MARCHF3: variants seen among roughly 807,000 people sequenced by gnomAD.
The protein encoded by MARCHF3 is E3 ubiquitin-protein ligase MARCHF3.
In MARCHF3, 13 loss-of-function variants were observed where a neutral mutation model predicts 24.2. The ratio of observed to expected loss-of-function variants is 0.54; its 90% CI spans 0.35 to 0.85. MARCHF3 has a LOEUF of 0.85. Ranked by LOEUF, MARCHF3 falls within the 40% of genes least tolerant of loss-of-function variation. The pLI is 0.01. For missense variants in MARCHF3, 276 were observed against 325.0 expected, an observed-to-expected ratio of 0.85 and a Z score of 1.16; for synonymous variants, 144 against 137.3, an observed-to-expected ratio of 1.05 and a Z score of -0.34.
intron 1 of MARCHF3, among the ~76,000 whole-genome samples, chr5:127,015,862 G>A (rs1752624425): frequency 6.6e-6 from 1 of 152,114 alleles, no homozygotes; most frequent in Admixed American, 6.5e-5. Flanking sequence ...CCGTTCTGAT[G>A]ATGAAATCTC....
chr5:126,903,151 A>G (rs1754162591), intron 3 of MARCHF3, among the ~76,000 whole-genome samples: 2 of 152,016 alleles, frequency 1.3e-5, no homozygotes, highest in Admixed American at 6.6e-5. Flanking sequence ...GTGTTGGTAG[A>G]AAGAAATGCA....
intron 3 of MARCHF3, among the ~76,000 whole-genome samples, chr5:126,905,460 T>C (rs2126785809): frequency 6.7e-6 from 1 of 149,406 alleles, no homozygotes; most frequent in African/African-American, 2.5e-5. Flanking sequence ...TGGAATGTTC[T>C]TCCATTTGTT....
rs540721902 is a variant in MARCHF3 at position 127,008,126 on chromosome 5, A to G, written c.-57+22224T>C. 9.8e-5 allele frequency among the ~76,000 whole-genome samples: 15 copies of G among 152,316 alleles called. No individual in the cohort carries two copies. The South Asian group carries it at 1.0e-3, about 11-fold the overall frequency. Reference sequence around the variant, plus strand: ...TTCTTATTCTTTGGGTATAAAAAAAATGCATTGAAGTTGTAGTATTTTCTT... The same window carrying G: ...TTCTTATTCTTTGGGTATAAAAAAAGTGCATTGAAGTTGTAGTATTTTCTT... On this transcript the variant is annotated intron_variant, in intron 1 of 4. Coordinates refer to ENST00000308660, the MANE Select transcript of MARCHF3 (RefSeq NM_178450.5).
At chr5:126,993,223 C>T (rs926334314) in intron 1 of MARCHF3, among the ~76,000 whole-genome samples, 1 of 152,134 alleles carries the variant, frequency 6.6e-6, no homozygotes, top group Non-Finnish European at 1.5e-5. Context: ...TAGATACATC[C>T]CTCCTGAGTT....
intron 3 of MARCHF3, 119 bp downstream of exon 3, chr5:126,914,811 C>CACACACACACACACAT (rs1157735403): frequency 1.2e-6 from 1 of 868,644 alleles, no homozygotes; most frequent in Non-Finnish European, 1.8e-6. Flanking sequence ...CACACACACA[C>CACACACACACACACAT]AGTCACATAG....
chr5:126,987,298 T>C (rs1381129034), intron 1 of MARCHF3, among the ~76,000 whole-genome samples: 6 of 152,144 alleles, frequency 3.9e-5, no homozygotes, highest in South Asian at 4.1e-4. Flanking sequence ...TAATACAGGG[T>C]GTACTTAAAC....
At chr5:126,872,804 G>T (rs1753018237) in intron 4 of MARCHF3, among the ~76,000 whole-genome samples, 1 of 152,112 alleles carries the variant, frequency 6.6e-6, no homozygotes, top group South Asian at 2.1e-4. Context: ...AACTCACACA[G>T]AAGTGCTTTT....
At chr5:127,019,426 G>T (rs925895133) in intron 1 of MARCHF3, among the ~76,000 whole-genome samples, 1 of 152,120 alleles carries the variant, frequency 6.6e-6, no homozygotes, top group Non-Finnish European at 1.5e-5. Flanking sequence ...GGCAATGATG[G>T]TGGTCCTTTG....
intron 1 of MARCHF3, among the ~76,000 whole-genome samples, chr5:127,022,592 A>G (rs1435723498): frequency 6.6e-6 from 1 of 152,218 alleles, no homozygotes; most frequent in Non-Finnish European, 1.5e-5. Context: ...TAGTTGCAAG[A>G]AAGGGTCCGC....
At chr5:127,003,624 C>T (rs927219241) in intron 1 of MARCHF3, among the ~76,000 whole-genome samples, 2 of 151,698 alleles carry the variant, frequency 1.3e-5, no homozygotes, top group Non-Finnish European at 2.9e-5. Flanking sequence ...GTTGCAGGCG[C>T]CTGTAATCCC....
chr5:126,952,709 G>C (rs1334139799), intron 1 of MARCHF3, among the ~76,000 whole-genome samples: 1 of 151,652 alleles, frequency 6.6e-6, no homozygotes, highest in African/African-American at 2.4e-5. Flanking sequence ...CCATCAACTT[G>C]GGACAGTATC....
At chr5:127,008,157 A>T (rs1336313970) in intron 1 of MARCHF3, among the ~76,000 whole-genome samples, 1 of 152,118 alleles carries the variant, frequency 6.6e-6, no homozygotes, top group Non-Finnish European at 1.5e-5. Flanking sequence ...TTCTTCCCAT[A>T]CCCCAGTGGT....
At chr5:126,928,557 T>A (rs1367462315) in intron 1 of MARCHF3, among the ~76,000 whole-genome samples, 1 of 152,200 alleles carries the variant, frequency 6.6e-6, no homozygotes, top group Non-Finnish European at 1.5e-5. Context: ...TTCTAGGCCA[T>A]GGACCCCCCA....
At chr5:127,028,923 C>T (rs1436149624) in intron 1 of MARCHF3, among the ~76,000 whole-genome samples, 3 of 152,206 alleles carry the variant, frequency 2.0e-5, no homozygotes, top group African/African-American at 7.2e-5. Flanking sequence ...CCAGGCTCCA[C>T]CCCAGTGGTC....
chr5:126,993,793 A>G (rs902939972), intron 1 of MARCHF3, among the ~76,000 whole-genome samples: 20 of 152,244 alleles, frequency 1.3e-4, no homozygotes, highest in African/African-American at 4.6e-4. Flanking sequence ...CTGAGCCAGA[A>G]CAACCCAATC....
chr5:126,886,870 T>C (rs1005542936), intron 3 of MARCHF3, among the ~76,000 whole-genome samples: 19 of 152,024 alleles, frequency 1.2e-4, no homozygotes, highest in African/African-American at 4.6e-4. Flanking sequence ...CATCCTTATT[T>C]CTCCCTTTCT....
In MARCHF3 at chr5:126,989,333, ACT is replaced by A. The variant is rs1561461768; in HGVS notation, c.-57+41015_-57+41016del. 4.7e-3 allele frequency among the ~76,000 whole-genome samples: 657 copies of A among 141,158 alleles called. 4 individuals carry two copies. Among genetic ancestry groups the A allele is most frequent in the Middle Eastern group, 0.021 (5 of 240 alleles). The allele number at this position is 141,158 out of a possible 152,430, so 92.6% of individuals were successfully genotyped here. A position where few individuals can be genotyped will look rare whatever the true frequency, so the allele number is the denominator to read the frequency against. On this transcript the variant is annotated intron_variant, in intron 1 of 4. Transcript: ENST00000308660. ...TACTACTACTACTACTACTACTACTACTACTAATAATAATAATAATATTAGGA... is the reference window on the plus strand; with the variant it reads ...TACTACTACTACTACTACTACTACTAACTAATAATAATAATAATATTAGGA...
intron 1 of MARCHF3, among the ~76,000 whole-genome samples, chr5:127,011,682 C>T (rs73786300): frequency 0.031 from 4,735 of 152,254 alleles, 223 homozygotes; most frequent in African/African-American, 0.1. Flanking sequence ...TATATTATCA[C>T]ACCTTCAAAT....
intron 1 of MARCHF3, among the ~76,000 whole-genome samples, chr5:126,986,670 A>G (rs963270767): frequency 6.6e-6 from 1 of 152,172 alleles, no homozygotes; most frequent in African/African-American, 2.4e-5. Flanking sequence ...AGTAATATGT[A>G]AGGCAAATAA....
Sources: gnomAD v4.1 joint callset for allele counts (sites outside exome capture counted in the v4.1 genomes callset) on GRCh38, gnomAD v4.1.1 for gene constraint, MANE v1.5 for transcripts, NCBI Gene and HGNC (gene_info 2026-07-23, HGNC 2026-07-21) for gene names.